The following KHDRBS2 variants were observed in gnomAD, a reference collection of about 807,000 sequenced individuals.
KHDRBS2 encodes the protein KH domain-containing, RNA-binding, signal transduction-associated protein 2.
A neutral mutation model predicts 44.3 loss-of-function variants in KHDRBS2; 26 were observed. That is an observed-to-expected ratio of 0.59 (90% confidence interval 0.43 to 0.81). The LOEUF is 0.81. Among genes scored for constraint, KHDRBS2 ranks in the 40% least tolerant of loss-of-function variants. The probability of loss-of-function intolerance (pLI) is 0.00; values close to 1 mark genes in which losing one functional copy is unlikely to be tolerated. For synonymous variants in KHDRBS2, 194 were observed against 151.1 expected (o/e 1.28, Z -2.08); for missense variants, 476 against 433.1 (o/e 1.10, Z -0.88).
At chr6:61,983,665 C>A (rs535074664) in intron 3 of KHDRBS2, among the ~76,000 whole-genome samples, 21 of 152,190 alleles carry the variant, frequency 1.4e-4, no homozygotes, top group African/African-American at 4.8e-4. Flanking sequence ...AAAACTCCAG[C>A]AGAGGAAACT....
intron 2 of KHDRBS2, among the ~76,000 whole-genome samples, chr6:62,118,334 C>A (rs1214758905): frequency 6.6e-6 from 1 of 152,122 alleles, no homozygotes; most frequent in Non-Finnish European, 1.5e-5. Context: ...AGTGTGATGT[C>A]TACATGTTTG....
At chr6:61,818,833 T>TC (rs1554222415) in intron 6 of KHDRBS2, among the ~76,000 whole-genome samples, 1 of 151,908 alleles carries the variant, frequency 6.6e-6, no homozygotes, top group Non-Finnish European at 1.5e-5. Context: ...CAGTTTTATC[T>TC]CCCCCTAACA....
chr6:61,606,289 C>A, the KHDRBS2 span, among the ~76,000 whole-genome samples: 2 of 152,262 alleles, frequency 1.3e-5, no homozygotes, highest in African/African-American at 4.8e-5. Flanking sequence ...GAAATTCTTA[C>A]CCTTCTGCTG....
intron 1 of KHDRBS2, among the ~76,000 whole-genome samples, chr6:62,184,455 C>T (rs1341091190): frequency 1.3e-5 from 2 of 151,200 alleles, no homozygotes; most frequent in Non-Finnish European, 3.0e-5. Flanking sequence ...AATAAAGAAA[C>T]GGGAGTTCAA....
At position 62,274,797 on chromosome 6, in the gene KHDRBS2, C is replaced by T. The variant is rs1287326430; in HGVS notation, c.91+11061G>A. Among the ~76,000 whole-genome samples, 9 of 151,912 alleles carry T rather than the reference C, an allele frequency of 5.9e-5. No homozygotes were observed. The South Asian group carries it at 1.7e-3, about 28-fold the overall frequency. On this transcript the variant is annotated intron_variant, in intron 1 of 8. Coordinates refer to ENST00000281156, the MANE Select transcript of KHDRBS2 (RefSeq NM_152688.4). ...ATGGAGATTTTTATGTATCTCCTTC[C>T]CCCTCCTCAAACTAAATGTAAATCT...
chr6:61,991,516 G>C (rs1483098813), intron 3 of KHDRBS2, among the ~76,000 whole-genome samples: 1 of 152,108 alleles, frequency 6.6e-6, no homozygotes, highest in Non-Finnish European at 1.5e-5. Context: ...GAAATGAAGT[G>C]AGCTGGGCAA....
chr6:61,722,679 G>T (rs1157962390), intron 7 of KHDRBS2, among the ~76,000 whole-genome samples: 4 of 150,960 alleles, frequency 2.6e-5, no homozygotes, highest in Admixed American at 2.6e-4. Flanking sequence ...AATATTGTTT[G>T]TAAATGCTGG....
At chr6:62,073,530 C>CTTTTTTTTTTTTTTTTTTTTTTTTT (rs60124030) in intron 2 of KHDRBS2, among the ~76,000 whole-genome samples, 1 of 124,414 alleles carries the variant, frequency 8.0e-6, no homozygotes, top group Non-Finnish European at 1.7e-5. Context: ...TTTCTTTTTT[C>CTTTTTTTTTTTTTTTTTTTTTTTTT]TTTTTTTTTT....
At chr6:62,093,736 G>A (rs1799941277) in intron 2 of KHDRBS2, among the ~76,000 whole-genome samples, 1 of 151,680 alleles carries the variant, frequency 6.6e-6, no homozygotes, top group African/African-American at 2.4e-5. Flanking sequence ...ATAAACTCAT[G>A]TGGCATTTGT....
intron 3 of KHDRBS2, among the ~76,000 whole-genome samples, chr6:61,989,804 G>A (rs575161301): frequency 6.6e-6 from 1 of 152,146 alleles, no homozygotes; most frequent in Non-Finnish European, 1.5e-5. Context: ...CTATCTCCAT[G>A]CAATCAGCAT....
chr6:62,160,137 G>A (rs1397551081), intron 2 of KHDRBS2, among the ~76,000 whole-genome samples: 2 of 152,060 alleles, frequency 1.3e-5, no homozygotes, highest in African/African-American at 2.4e-5. Context: ...CTGACATGAG[G>A]AGACCATAAT....
intron 2 of KHDRBS2, among the ~76,000 whole-genome samples, chr6:62,049,467 T>C (rs1788490554): frequency 6.9e-6 from 1 of 145,616 alleles, no homozygotes; most frequent in East Asian, 2.1e-4. Context: ...TAGGAAGAGA[T>C]TACTTAATTA....
chr6:61,995,458 G>T lies in KHDRBS2; in HGVS notation c.337-17246C>A, dbSNP rs1776994393. ...TGTCTGGGATTTAAAAATGAGCAGGGAGCAAGGAGCAAGTCAAGAAGAAGG... is the reference window on the plus strand; with the variant it reads ...TGTCTGGGATTTAAAAATGAGCAGGTAGCAAGGAGCAAGTCAAGAAGAAGG... On this transcript the variant is annotated intron_variant, in intron 3 of 8. Transcript: ENST00000281156. 2.0e-5 allele frequency among the ~76,000 whole-genome samples: 3 copies of T among 152,292 alleles called. No individual in the cohort carries two copies. The South Asian group carries it at 6.2e-4, about 32-fold the overall frequency.
chr6:62,005,235 T>G (rs571163355), intron 3 of KHDRBS2, among the ~76,000 whole-genome samples: 1 of 152,182 alleles, frequency 6.6e-6, no homozygotes, highest in East Asian at 1.9e-4. Context: ...ACTTGCAAAC[T>G]ACCTACTTCA....
intron 4 of KHDRBS2, among the ~76,000 whole-genome samples, chr6:61,919,239 A>G (rs1486254811): frequency 2.0e-5 from 3 of 151,974 alleles, no homozygotes; most frequent in Non-Finnish European, 4.4e-5. Context: ...GAATGGGTTT[A>G]TATAAAATAT....
chr6:61,656,297 G>T, the KHDRBS2 span, among the ~76,000 whole-genome samples: 1 of 151,824 alleles, frequency 6.6e-6, no homozygotes, highest in African/African-American at 2.4e-5. Flanking sequence ...ACCTTCTCTG[G>T]CAGGCACTTT....
Position 61,844,689 on chromosome 6 carries a change from T to C in KHDRBS2, c.810+49946A>G, listed in dbSNP as rs1794109079. Among the ~76,000 whole-genome samples the C allele has an allele frequency of 2.6e-5, 4 of 152,160 alleles. No homozygotes were observed. The South Asian group carries it at 8.3e-4, about 31-fold the overall frequency. ...AGAAATTCAATCAATCAATCAATAT[T>C]AATTTATAGTTAAATGAAGGAGCTA... On this transcript the variant is annotated intron_variant, in intron 6 of 8. Transcript: ENST00000281156.
In KHDRBS2 at chr6:61,963,643, C is replaced by T. The variant is rs777533838; in HGVS notation, c.483+14423G>A. On this transcript the variant is annotated intron_variant, in intron 4 of 8. Transcript: ENST00000281156. ...TAGAACACTCTGTGAAATAAGTGTTCCAAATAATATTTTGGGAAATGATGT... is the reference window on the plus strand; with the variant it reads ...TAGAACACTCTGTGAAATAAGTGTTTCAAATAATATTTTGGGAAATGATGT... Among the ~76,000 whole-genome samples the T allele has an allele frequency of 1.9e-4, 29 of 151,922 alleles. 1 individual carries two copies. Among genetic ancestry groups the T allele is most frequent in the Non-Finnish European group, 3.8e-4 (26 of 67,964 alleles).
chr6:61,826,032 A>G (rs1477469978), intron 6 of KHDRBS2, among the ~76,000 whole-genome samples: 1 of 152,202 alleles, frequency 6.6e-6, no homozygotes, highest in African/African-American at 2.4e-5. Context: ...TTAACCTGAC[A>G]ACATAGATGT....
Sources: allele counts gnomAD v4.1 joint callset (sites outside exome capture counted in the v4.1 genomes callset), GRCh38; gene constraint gnomAD v4.1.1; transcripts MANE v1.5; gene names NCBI Gene and HGNC (gene_info 2026-07-23, HGNC 2026-07-21).